ASAP2: variants seen among roughly 807,000 people sequenced by gnomAD.
ASAP2 encodes arf-GAP with SH3 domain, ANK repeat and PH domain-containing protein 2.
Under a neutral mutation model 131.4 loss-of-function variants are expected in ASAP2, and 45 were observed. That is an observed-to-expected ratio of 0.34 (90% CI 0.27 to 0.44). ASAP2 has a LOEUF of 0.44. Among genes scored for constraint, ASAP2 ranks in the 20% least tolerant of loss-of-function variants. The probability of loss-of-function intolerance (pLI) is 1.00; values close to 1 mark genes in which losing one functional copy is unlikely to be tolerated. For missense variants in ASAP2, 1,011 were observed against 1,297.0 expected (o/e 0.78, Z 3.39); for synonymous variants, 510 against 503.0 (o/e 1.01, Z -0.19).
chr2:9,337,623 C>T lies in ASAP2; in HGVS notation c.849+2444C>T, dbSNP rs907563177. Among the ~76,000 whole-genome samples, 14 of 152,308 alleles carry T rather than the reference C, an allele frequency of 9.2e-5. 1 individual carries two copies. In the Middle Eastern group the frequency reaches 0.017, roughly 185 times the overall value. On this transcript the variant is annotated intron_variant, in intron 9 of 27. Transcript: ENST00000281419. Reference sequence around the variant, plus strand: ...ATGGTTGGTAGAAGCCAGTGCTCCTCATTCTCTTCCTGTAAATCCCAAGCA... The same window carrying T: ...ATGGTTGGTAGAAGCCAGTGCTCCTTATTCTCTTCCTGTAAATCCCAAGCA...
In ASAP2 at chr2:9,402,610, T is replaced by A. The variant is rs73150990; in HGVS notation, c.2947-643T>A. Among the ~76,000 whole-genome samples, 739 of 152,276 alleles carry A rather than the reference T, an allele frequency of 4.9e-3. 6 individuals are homozygous for A. The highest frequency in any genetic ancestry group is 0.017 in the African/African-American group (714 of 41,548). On this transcript the variant is annotated intron_variant, in intron 27 of 27. Coordinates refer to ENST00000281419, the MANE Select transcript of ASAP2 (RefSeq NM_003887.3). ...TAGCCATGTGGAAAATACCTGCTCATTTCCAAAACTGGAAAATAGAGGCAT... is the reference window on the plus strand; with the variant it reads ...TAGCCATGTGGAAAATACCTGCTCAATTCCAAAACTGGAAAATAGAGGCAT...
chr2:9,296,100 C>G (rs1213984314), intron 2 of ASAP2, among the ~76,000 whole-genome samples: 1 of 152,214 alleles, frequency 6.6e-6, no homozygotes, highest in Non-Finnish European at 1.5e-5. Context: ...AAGGCTGTCT[C>G]TGGTGGAGTT....
At chr2:9,357,884 C>G (rs1392131399) in intron 14 of ASAP2, among the ~76,000 whole-genome samples, 1 of 152,204 alleles carries the variant, frequency 6.6e-6, no homozygotes, top group Non-Finnish European at 1.5e-5. Context: ...GGGCAACAAA[C>G]AGTTCTGAAG....
At chr2:9,318,997 C>T (rs996717646) in intron 4 of ASAP2, among the ~76,000 whole-genome samples, 9 of 152,186 alleles carry the variant, frequency 5.9e-5, no homozygotes, top group Admixed American at 4.6e-4. Context: ...CTGGGAAGGT[C>T]GCAGTCGTCA....
intron 1 of ASAP2, among the ~76,000 whole-genome samples, chr2:9,271,794 T>C (rs1228338179): frequency 6.6e-6 from 1 of 152,056 alleles, no homozygotes; most frequent in Non-Finnish European, 1.5e-5. Context: ...CCACAAATAA[T>C]TGAAAACATG....
chr2:9,385,758 AGAC>A (rs1368978437), intron 21 of ASAP2, among the ~76,000 whole-genome samples: 3 of 152,236 alleles, frequency 2.0e-5, no homozygotes, highest in Non-Finnish European at 4.4e-5. Context: ...TGAAATCATC[AGAC>A]GACCTTTAGA....
At chr2:9,323,314 G>A in intron 6 of ASAP2, 64 bp downstream of exon 6, 1 of 1,597,786 alleles carries the variant, frequency 6.3e-7, no homozygotes, top group Middle Eastern at 1.7e-4. Context: ...TCACCTGTGG[G>A]AGCATCTCAC....
chr2:9,390,639 G>T (rs1201174051), intron 22 of ASAP2, among the ~76,000 whole-genome samples: 2 of 152,168 alleles, frequency 1.3e-5, no homozygotes, highest in African/African-American at 4.8e-5. Context: ...CTGGGCACAC[G>T]GTGTTCCTCT....
At chr2:9,231,219 C>T (rs1363362571) in intron 1 of ASAP2, among the ~76,000 whole-genome samples, 2 of 152,212 alleles carry the variant, frequency 1.3e-5, no homozygotes, top group African/African-American at 2.4e-5. Flanking sequence ...CCTTCACTCC[C>T]TCCTGTAGCC....
intron 11 of ASAP2, 50 bp downstream of exon 11, chr2:9,344,850 G>C: frequency 6.5e-7 from 1 of 1,532,572 alleles, no homozygotes; most frequent in Non-Finnish European, 9.0e-7. Flanking sequence ...GGTGAGGTTG[G>C]TGTTGGAGGA....
rs1363795429 is a variant in ASAP2 at position 9,404,309 on chromosome 2, C to T, written c.*982C>T. The T allele has an allele frequency of 6.6e-6, 1 of 152,224 alleles. No individual in the cohort carries two copies. The highest frequency in any genetic ancestry group is 2.4e-5 in the African/African-American group (1 of 41,458). The allele number at this position is 152,224 out of a possible 1,614,324, so 9.4% of individuals were successfully genotyped here. On this transcript the variant is annotated 3_prime_UTR_variant, in exon 28 of 28. Transcript: ENST00000281419. ...TACTCCAACAGGAATGGTAGTCACA[C>T]TGTCTTGAAATTGAATCTGTCCATC...
intron 20 of ASAP2, among the ~76,000 whole-genome samples, chr2:9,384,681 G>T (rs1383844450): frequency 1.3e-5 from 2 of 152,250 alleles, no homozygotes; most frequent in Non-Finnish European, 2.9e-5. Context: ...GGTGCGTAGG[G>T]CAAGGTGTGG....
chr2:9,209,606 G>C (rs959766915), intron 1 of ASAP2, among the ~76,000 whole-genome samples: 2 of 152,216 alleles, frequency 1.3e-5, no homozygotes, highest in African/African-American at 4.8e-5. Flanking sequence ...TTTTGCTCTT[G>C]TTGCCCAGGC....
At chr2:9,315,365 G>A (rs573471723) in intron 3 of ASAP2, among the ~76,000 whole-genome samples, 5 of 152,210 alleles carry the variant, frequency 3.3e-5, no homozygotes, top group South Asian at 2.1e-4. Context: ...GGCAGTGGAC[G>A]TGAGAATGGC....
chr2:9,382,601 G>C (rs1407735499), intron 20 of ASAP2, among the ~76,000 whole-genome samples: 1 of 152,216 alleles, frequency 6.6e-6, no homozygotes, highest in Non-Finnish European at 1.5e-5. Flanking sequence ...CAGTGAATGA[G>C]CACATTCATT....
At chr2:9,276,940 G>A (rs995657418) in intron 1 of ASAP2, among the ~76,000 whole-genome samples, 2 of 152,212 alleles carry the variant, frequency 1.3e-5, no homozygotes, top group African/African-American at 4.8e-5. Flanking sequence ...CTTCCAGAGA[G>A]CCTGACAGGC....
Position 9,374,952 on chromosome 2 carries a change from T to C in ASAP2, c.1746+8T>C. On this transcript the variant is annotated splice_region_variant and intron_variant, in intron 17 of 27. Coordinates refer to ENST00000281419, the MANE Select transcript of ASAP2 (RefSeq NM_003887.3). ...CCACTGGCCAACGGACATGTAAGAG[T>C]GTGGGTTGTTGCTACTTTAAAAAAA... 7 of 1,553,092 alleles carry C rather than the reference T, an allele frequency of 4.5e-6. No individual in the cohort carries two copies. Among genetic ancestry groups the C allele is most frequent in the Non-Finnish European group, 6.1e-6 (7 of 1,156,026 alleles).
intron 15 of ASAP2, among the ~76,000 whole-genome samples, chr2:9,364,024 C>T (rs1165930558): frequency 1.3e-5 from 2 of 152,136 alleles, no homozygotes; most frequent in Non-Finnish European, 2.9e-5. Flanking sequence ...TTCTGGTAAA[C>T]ACAGATTTTA....
rs575459693 is a variant in ASAP2 at position 9,207,568 on chromosome 2, G to C, written c.126+338G>C. On this transcript the variant is annotated intron_variant, in intron 1 of 27. Coordinates refer to ENST00000281419, the MANE Select transcript of ASAP2 (RefSeq NM_003887.3). The surrounding 1 kb of genome is among the most constrained non-coding windows in gnomAD (Gnocchi z 4.1). ...CCGCTGCCCGCCGCCGCCCGCCGCC[G>C]CCCGGGGTCTTTGGTACCCGGTGCG... 1.5e-4 allele frequency among the ~76,000 whole-genome samples: 23 copies of C among 152,228 alleles called. No homozygotes were observed. Among genetic ancestry groups the C allele is most frequent in the Admixed American group, 2.6e-4 (4 of 15,300 alleles).
Sources: gnomAD v4.1 joint callset for allele counts (sites outside exome capture counted in the v4.1 genomes callset) on GRCh38, gnomAD v4.1.1 for gene constraint, Gnocchi (gnomAD v3.1) non-coding constraint, MANE v1.5 for transcripts, NCBI Gene and HGNC (gene_info 2026-07-23, HGNC 2026-07-21) for gene names.